Variants in SLC17A8 observed in about 807,000 individuals in gnomAD.
The protein encoded by SLC17A8 is solute carrier family 17 member 8.
In SLC17A8, 31 loss-of-function variants were observed where a neutral mutation model predicts 58.0. That is an observed-to-expected ratio of 0.53 (90% CI 0.40 to 0.72). SLC17A8 has a LOEUF of 0.72. SLC17A8 is among the 30% of genes least tolerant of loss of function. The pLI, the probability that SLC17A8 is intolerant of heterozygous loss-of-function variation, is 0.00. For missense variants in SLC17A8, 655 were observed against 727.8 expected (o/e 0.90, Z 1.15); for synonymous variants, 228 against 249.0 (o/e 0.92, Z 0.79).
rs190300881 is a variant in SLC17A8 at position 100,379,550 on chromosome 12, C to T, written c.102-1151C>T. On this transcript the variant is annotated intron_variant, in intron 1 of 11. Coordinates refer to ENST00000323346, the MANE Select transcript of SLC17A8 (RefSeq NM_139319.3). ...CCATTATATTAGCTATTTATCACTG[C>T]ATTTAATATTTATGAAAACTTGCAA... 2.0e-5 allele frequency among the ~76,000 whole-genome samples: 3 copies of T among 152,138 alleles called. No homozygotes were observed. In the East Asian group the frequency reaches 5.8e-4, roughly 29 times the overall value.
intron 1 of SLC17A8, among the ~76,000 whole-genome samples, chr12:100,371,544 G>T (rs987125634): frequency 1.8e-4 from 27 of 151,954 alleles, no homozygotes; most frequent in African/African-American, 5.3e-4. Flanking sequence ...AGTTTTTTTT[G>T]TTTGTTTGTT....
At chr12:100,376,556 C>A (rs1252511347) in intron 1 of SLC17A8, among the ~76,000 whole-genome samples, 3 of 152,134 alleles carry the variant, frequency 2.0e-5, no homozygotes, top group Non-Finnish European at 4.4e-5. Flanking sequence ...TGACCTTGGC[C>A]AATTTGTTCT....
chr12:100,396,694 A>C (rs2136000105), intron 5 of SLC17A8, among the ~76,000 whole-genome samples: 1 of 152,172 alleles, frequency 6.6e-6, no homozygotes, highest in South Asian at 2.1e-4. Context: ...AGGCTGCATT[A>C]AGCTATGATG....
intron 3 of SLC17A8, among the ~76,000 whole-genome samples, chr12:100,393,080 T>C (rs1477962779): frequency 6.6e-6 from 1 of 152,176 alleles, no homozygotes; most frequent in Non-Finnish European, 1.5e-5. Flanking sequence ...CACTAGACCC[T>C]AACACATCTA....
chr12:100,357,164 T>C lies in SLC17A8; in HGVS notation c.-228T>C. ...GACTGAATTCCCAGCCAGACACCCCTTGGACTCTTTTTTGGAGGGGTGGGG... is the reference window on the plus strand; with the variant it reads ...GACTGAATTCCCAGCCAGACACCCCCTGGACTCTTTTTTGGAGGGGTGGGG... On this transcript the variant is annotated 5_prime_UTR_variant, in exon 1 of 12. Transcript: ENST00000323346. The C allele has an allele frequency of 4.0e-6, 2 of 497,494 alleles. No homozygotes were observed. The highest frequency in any genetic ancestry group is 2.0e-5 in the South Asian group (1 of 49,274). 30.8% of individuals were successfully genotyped at this position (497,494 alleles called of 1,614,324 possible).
At chr12:100,364,585 G>A (rs1457775087) in intron 1 of SLC17A8, among the ~76,000 whole-genome samples, 2 of 152,170 alleles carry the variant, frequency 1.3e-5, no homozygotes, top group African/African-American at 4.8e-5. Context: ...GGCCAAGTCA[G>A]CCTGCCTATC....
At chr12:100,390,966 A>G (rs1355037115) in intron 2 of SLC17A8, 35 bp from the exon 3 acceptor site, 2 of 1,457,380 alleles carry the variant, frequency 1.4e-6, no homozygotes, top group Non-Finnish European at 1.9e-6. Flanking sequence ...GCCTTTTTCT[A>G]ACAAACACAA....
chr12:100,387,522 T>C (rs1216157443), intron 2 of SLC17A8, among the ~76,000 whole-genome samples: 1 of 152,190 alleles, frequency 6.6e-6, no homozygotes, highest in Admixed American at 6.5e-5. Flanking sequence ...CTTTCAGAGA[T>C]TGACAGAAGC....
chr12:100,384,014 T>G (rs917893046), intron 2 of SLC17A8, among the ~76,000 whole-genome samples: 6 of 152,326 alleles, frequency 3.9e-5, no homozygotes, highest in African/African-American at 1.4e-4. Flanking sequence ...TATTTTAAAT[T>G]TAATAGTTAT....
chr12:100,368,329 A>G (rs78945811), intron 1 of SLC17A8, among the ~76,000 whole-genome samples: 205 of 152,248 alleles, frequency 1.3e-3, no homozygotes, highest in African/African-American at 4.6e-3. Flanking sequence ...TTGTTGTCAC[A>G]TGGTCTTCTC....
chr12:100,366,736 C>T (rs1353948755), intron 1 of SLC17A8, among the ~76,000 whole-genome samples: 1 of 152,206 alleles, frequency 6.6e-6, no homozygotes, highest in African/African-American at 2.4e-5. Flanking sequence ...CCAGCCTCAG[C>T]CTACTGCCCA....
chr12:100,396,441 A>G, intron 5 of SLC17A8, 24 bp downstream of exon 5: 2 of 1,596,922 alleles, frequency 1.3e-6, no homozygotes, highest in Non-Finnish European at 1.7e-6. Context: ...AATCGTAACA[A>G]ATTTTATTTA....
At chr12:100,374,471 G>C (rs1393078970) in intron 1 of SLC17A8, among the ~76,000 whole-genome samples, 1 of 152,104 alleles carries the variant, frequency 6.6e-6, no homozygotes, top group Non-Finnish European at 1.5e-5. Flanking sequence ...AATTAGCCGG[G>C]CGTGGTGGCC....
intron 8 of SLC17A8, among the ~76,000 whole-genome samples, chr12:100,403,514 A>C (rs1593003655): frequency 6.6e-6 from 1 of 151,990 alleles, no homozygotes; most frequent in Non-Finnish European, 1.5e-5. Flanking sequence ...AAAAGAAAGA[A>C]CCTCTTTCAA....
chr12:100,393,576 GT>G (rs1489673456), intron 4 of SLC17A8, 93 bp downstream of exon 4: 2 of 942,302 alleles, frequency 2.1e-6, no homozygotes, highest in Non-Finnish European at 3.4e-6. Flanking sequence ...CCTTTACTCA[GT>G]TTTTTTCTAT....
At chr12:100,394,946 A>T (rs931785712) in intron 4 of SLC17A8, among the ~76,000 whole-genome samples, 3 of 151,378 alleles carry the variant, frequency 2.0e-5, no homozygotes, top group Non-Finnish European at 2.9e-5. Flanking sequence ...ATCATTTCAA[A>T]TCCAACTCTA....
chr12:100,367,787 A>G (rs894729367), intron 1 of SLC17A8, among the ~76,000 whole-genome samples: 53 of 152,212 alleles, frequency 3.5e-4, no homozygotes, highest in African/African-American at 1.1e-3. Flanking sequence ...TCCTGGGCTC[A>G]AGCCATCCTC....
intron 10 of SLC17A8, among the ~76,000 whole-genome samples, chr12:100,417,258 T>C (rs1443905804): frequency 6.6e-6 from 1 of 152,190 alleles, no homozygotes; most frequent in Non-Finnish European, 1.5e-5. Flanking sequence ...TACTTTGCAA[T>C]GGCAGCAGAA....
At chr12:100,400,415 T>G (rs1400516262) in intron 5 of SLC17A8, among the ~76,000 whole-genome samples, 1 of 152,170 alleles carries the variant, frequency 6.6e-6, no homozygotes, top group Non-Finnish European at 1.5e-5. Context: ...TTCACATACA[T>G]AGTTTATTTG....
Sources: allele counts gnomAD v4.1 joint callset (sites outside exome capture counted in the v4.1 genomes callset), GRCh38; gene constraint gnomAD v4.1.1; transcripts MANE v1.5; gene names NCBI Gene and HGNC (gene_info 2026-07-23, HGNC 2026-07-21).